The following ZSWIM5 variants were observed in gnomAD, a reference collection of about 807,000 sequenced individuals.
The protein encoded by ZSWIM5 is zinc finger SWIM domain-containing protein 5.
Under a neutral mutation model 119.6 loss-of-function variants are expected in ZSWIM5, and 55 were observed. That is an observed-to-expected ratio of 0.46 (90% CI 0.37 to 0.58). The LOEUF is 0.58. Among genes scored for constraint, ZSWIM5 ranks in the 20% least tolerant of loss-of-function variants. ZSWIM5 has a pLI of 0.00. For missense variants in ZSWIM5, 1,193 were observed against 1,512.8 expected (o/e 0.79, Z 3.51); for synonymous variants, 537 against 606.9 (o/e 0.88, Z 1.69).
intron 4 of ZSWIM5, among the ~76,000 whole-genome samples, chr1:45,055,782 G>GAACACAGTGGGGA (rs1645118071): frequency 6.6e-6 from 1 of 152,210 alleles, no homozygotes; most frequent in Admixed American, 6.5e-5. Context: ...AAGTCACCAG[G>GAACACAGTGGGGA]AACACAGTGG....
intron 1 of ZSWIM5, among the ~76,000 whole-genome samples, chr1:45,090,741 T>G (rs1645359992): frequency 6.6e-6 from 1 of 152,064 alleles, no homozygotes; most frequent in Non-Finnish European, 1.5e-5. Flanking sequence ...GAGGAATGCT[T>G]GGGTCCAGGA....
Position 45,062,347 on chromosome 1 carries a change from T to C in ZSWIM5, c.953-2100A>G, listed in dbSNP as rs114478435. On this transcript the variant is annotated intron_variant, in intron 2 of 13. Transcript: ENST00000359600. ...GGGTCAGCACAACAAAGCTACTCCT[T>C]TGCTATGCTTTTTTGTAGTATATCT... Among the ~76,000 whole-genome samples, 397 of 151,668 alleles carry C rather than the reference T, an allele frequency of 2.6e-3. 2 individuals are homozygous for C. Among genetic ancestry groups the C allele is most frequent in the African/African-American group, 9.1e-3 (377 of 41,472 alleles).
chr1:45,165,419 G>C (rs1231008744), intron 1 of ZSWIM5, among the ~76,000 whole-genome samples: 31 of 152,028 alleles, frequency 2.0e-4, no homozygotes, highest in African/African-American at 7.0e-4. Context: ...AGAGAAGCAA[G>C]AGCAAACACA....
intron 5 of ZSWIM5, among the ~76,000 whole-genome samples, chr1:45,044,499 G>A (rs547321831): frequency 2.7e-5 from 4 of 150,250 alleles, no homozygotes; most frequent in East Asian, 2.0e-4. Flanking sequence ...TGAGGTGGGC[G>A]GATCATGAGG....
At chr1:45,039,156 T>G in intron 7 of ZSWIM5, 83 bp from the exon 8 acceptor site, 1 of 1,517,332 alleles carries the variant, frequency 6.6e-7, no homozygotes, top group Non-Finnish European at 9.0e-7. Flanking sequence ...TATCAGTCTC[T>G]CCAGCCTTGA....
chr1:45,073,745 T>G (rs910733882), intron 2 of ZSWIM5, among the ~76,000 whole-genome samples: 1 of 151,932 alleles, frequency 6.6e-6, no homozygotes, highest in African/African-American at 2.4e-5. Flanking sequence ...CTTTGCTTGC[T>G]CTAGCTAGGA....
intron 2 of ZSWIM5, among the ~76,000 whole-genome samples, chr1:45,082,821 A>G (rs946974836): frequency 2.4e-4 from 37 of 152,232 alleles, no homozygotes; most frequent in Admixed American, 2.3e-3. Flanking sequence ...AGGTTTCTTC[A>G]GCACAGTAGT....
At chr1:45,150,252 T>G (rs530978287) in intron 1 of ZSWIM5, among the ~76,000 whole-genome samples, 1 of 151,258 alleles carries the variant, frequency 6.6e-6, no homozygotes, top group African/African-American at 2.4e-5. Flanking sequence ...AAAACATAGT[T>G]ACATCAATCA....
At chr1:45,131,867 A>T (rs898125301) in intron 1 of ZSWIM5, among the ~76,000 whole-genome samples, 4 of 151,578 alleles carry the variant, frequency 2.6e-5, no homozygotes, top group Non-Finnish European at 5.9e-5. Context: ...TACAATTAGT[A>T]GCTAACAAGT....
chr1:45,091,671 A>ACAAACAAACAAAAAACAAC (rs1553193601), intron 1 of ZSWIM5, among the ~76,000 whole-genome samples: 1 of 152,074 alleles, frequency 6.6e-6, no homozygotes, highest in Admixed American at 6.6e-5. Flanking sequence ...CAAAATAAAA[A>ACAAACAAACAAAAAACAAC]CAAACAAACA....
At chr1:45,026,165 G>C (rs1238868203) in intron 11 of ZSWIM5, among the ~76,000 whole-genome samples, 1 of 152,092 alleles carries the variant, frequency 6.6e-6, no homozygotes, top group Non-Finnish European at 1.5e-5. Flanking sequence ...CTCCCAAGTA[G>C]CTGGAACTAT....
At chr1:45,034,515 C>G in intron 10 of ZSWIM5, 46 bp from the exon 11 acceptor site, 3 of 1,546,884 alleles carry the variant, frequency 1.9e-6, no homozygotes, top group Non-Finnish European at 1.7e-6. Context: ...AGACCCTGGG[C>G]TTCCGAGCCA....
intron 1 of ZSWIM5, among the ~76,000 whole-genome samples, chr1:45,162,047 CCAT>C (rs1645866887): frequency 6.6e-6 from 1 of 151,790 alleles, no homozygotes; most frequent in Admixed American, 6.6e-5. Context: ...TTTAATTTCA[CCAT>C]CCAATCTCTA....
At chr1:45,109,772 A>C (rs1645504489) in intron 1 of ZSWIM5, among the ~76,000 whole-genome samples, 2 of 151,894 alleles carry the variant, frequency 1.3e-5, no homozygotes, top group African/African-American at 4.8e-5. Context: ...GTTATTCCTC[A>C]CATATACTAC....
At chr1:45,060,348 T>C (rs2149000589) in intron 2 of ZSWIM5, 101 bp from the exon 3 acceptor site, 2 of 1,253,634 alleles carry the variant, frequency 1.6e-6, no homozygotes, top group South Asian at 2.8e-5. Flanking sequence ...AGATGGGTCA[T>C]TCTGCTTTAA....
intron 1 of ZSWIM5, among the ~76,000 whole-genome samples, chr1:45,108,109 C>T (rs952878604): frequency 6.6e-6 from 1 of 152,166 alleles, no homozygotes; most frequent in Non-Finnish European, 1.5e-5. Flanking sequence ...CCAGATGCCT[C>T]CTTTTCAGCT....
chr1:45,047,345 A>G (rs573674150), intron 5 of ZSWIM5, among the ~76,000 whole-genome samples: 5 of 152,292 alleles, frequency 3.3e-5, no homozygotes, highest in African/African-American at 9.6e-5. Flanking sequence ...CAGTAATGGT[A>G]GGGATTGAAA....
intron 1 of ZSWIM5, among the ~76,000 whole-genome samples, chr1:45,097,222 G>A (rs1375671425): frequency 6.6e-6 from 1 of 152,208 alleles, no homozygotes; most frequent in African/African-American, 2.4e-5. Context: ...GGGGAATCCC[G>A]AGCATGGGCT....
chr1:45,082,027 T>C (rs1363532347), intron 2 of ZSWIM5, among the ~76,000 whole-genome samples: 2 of 152,014 alleles, frequency 1.3e-5, no homozygotes, highest in Admixed American at 6.5e-5. Flanking sequence ...TGTGACCTTA[T>C]CCCCAACCCT....
Sources: gnomAD v4.1 joint callset for allele counts (sites outside exome capture counted in the v4.1 genomes callset) on GRCh38, gnomAD v4.1.1 for gene constraint, MANE v1.5 for transcripts, NCBI Gene and HGNC (gene_info 2026-07-23, HGNC 2026-07-21) for gene names.